DOCK5: variants seen among roughly 807,000 people sequenced by gnomAD.
DOCK5 encodes dedicator of cytokinesis 5, also known as dedicator of cytokinesis protein 5.
DOCK5 carries 142 observed loss-of-function variants against 251.8 expected under a neutral mutation model. That is an observed-to-expected ratio of 0.56 (90% CI 0.49 to 0.65). The LOEUF is 0.65. Among genes scored for constraint, DOCK5 ranks in the 30% least tolerant of loss-of-function variants. The probability of loss-of-function intolerance (pLI) is 0.00; values close to 1 mark genes in which losing one functional copy is unlikely to be tolerated. For missense variants in DOCK5, 2,111 were observed against 2,312.3 expected, an observed-to-expected ratio of 0.91 and a Z score of 1.79; for synonymous variants, 842 against 835.5, an observed-to-expected ratio of 1.01 and a Z score of -0.13.
chr8:25,403,458 A>C, intron 47 of DOCK5, 100 bp from the exon 48 acceptor site: 2 of 1,270,486 alleles, frequency 1.6e-6, no homozygotes, highest in Non-Finnish European at 2.2e-6. Context: ...TAACCAGTAC[A>C]GATGGGTACT....
At chr8:25,296,440 C>T (rs989396002) in intron 6 of DOCK5, 73 bp from the exon 7 acceptor site, 1 of 1,541,768 alleles carries the variant, frequency 6.5e-7, no homozygotes, top group South Asian at 1.2e-5. Context: ...CCTCTGGGCT[C>T]CTTGACAAGG....
chr8:25,353,569 A>G (rs1231643482), intron 27 of DOCK5, among the ~76,000 whole-genome samples: 2 of 147,712 alleles, frequency 1.4e-5, no homozygotes, highest in Admixed American at 6.8e-5. Context: ...AGGAAATACT[A>G]TTTTTTTTTT....
intron 1 of DOCK5, among the ~76,000 whole-genome samples, chr8:25,214,612 C>A (rs1387606260): frequency 6.6e-6 from 1 of 152,152 alleles, no homozygotes; most frequent in African/African-American, 2.4e-5. Flanking sequence ...CAGCTGCCAA[C>A]CCCTGACCCC....
intron 2 of DOCK5, among the ~76,000 whole-genome samples, chr8:25,255,348 A>G (rs1803392696): frequency 6.6e-6 from 1 of 152,224 alleles, no homozygotes; most frequent in Non-Finnish European, 1.5e-5. Context: ...TGTTACATCC[A>G]GACAATGGAG....
chr8:25,390,119 C>T (rs1018745318), intron 41 of DOCK5, 87 bp from the exon 42 acceptor site: 19 of 1,173,098 alleles, frequency 1.6e-5, no homozygotes, highest in South Asian at 7.5e-5. Flanking sequence ...GTGGCATTTC[C>T]GGCTGTGAAG....
At chr8:25,410,939 A>ATGTGTGTG (rs763758410) in intron 51 of DOCK5, among the ~76,000 whole-genome samples, 73 of 102,130 alleles carry the variant, frequency 7.1e-4, no homozygotes, top group African/African-American at 2.3e-3. Context: ...GAGAGAGAAA[A>ATGTGTGTG]TGTGTGTGTG....
intron 9 of DOCK5, among the ~76,000 whole-genome samples, chr8:25,300,860 C>T (rs1293019808): frequency 5.8e-5 from 4 of 68,796 alleles, no homozygotes; most frequent in Non-Finnish European, 9.7e-5. Flanking sequence ...CGTGAAAAAT[C>T]GGGGAAAAAA....
In DOCK5 at chr8:25,345,565, C is replaced by T. The variant is rs754837117; in HGVS notation, c.2708C>T (p.Ser903Leu). Reference sequence around the variant, plus strand: ...AACAAGCCTGACCACGAGGCAAGCTCGCAGCTTCTGAGCAACATCCTGGAG... The same window carrying T: ...AACAAGCCTGACCACGAGGCAAGCTTGCAGCTTCTGAGCAACATCCTGGAG... ...NSNKPDHEAS[S>L]QLLSNILEVL... The change falls in exon 26 of 52, where the codon TCG becomes TTG. Residue 903 changes from serine to leucine, a missense_variant. By Grantham distance (145) the Ser-to-Leu change is moderately radical (BLOSUM62 -2). Around this residue, in one of 3 missense-constraint regions of DOCK5, gnomAD observed 1,717 missense variants for 1,892.4 expected, o/e 0.91. Transcript: ENST00000276440. 10 of 1,613,798 alleles carry T rather than the reference C, an allele frequency of 6.2e-6. No individual in the cohort carries two copies. The East Asian group carries it at 1.3e-4, about 22-fold the overall frequency.
chr8:25,184,977 G>T, intron 1 of DOCK5, 26 bp downstream of exon 1: 1 of 1,354,536 alleles, frequency 7.4e-7, no homozygotes, highest in Non-Finnish European at 9.6e-7. Flanking sequence ...ACCTTGTCCC[G>T]GCCCGACCCA....
At chr8:25,384,272 G>C (rs929497931) in intron 40 of DOCK5, among the ~76,000 whole-genome samples, 1 of 152,286 alleles carries the variant, frequency 6.6e-6, no homozygotes, top group East Asian at 1.9e-4. Context: ...TTGCTGGCCA[G>C]GGGGAGGTTG....
chr8:25,288,913 G>A (rs1159542374), intron 5 of DOCK5, among the ~76,000 whole-genome samples: 2 of 152,174 alleles, frequency 1.3e-5, no homozygotes, highest in Non-Finnish European at 2.9e-5. Context: ...AATGCTAAAA[G>A]CAGTAAATGT....
intron 40 of DOCK5, among the ~76,000 whole-genome samples, chr8:25,387,171 C>T (rs1024030443): frequency 7.4e-5 from 11 of 148,150 alleles, no homozygotes; most frequent in African/African-American, 2.5e-4. Flanking sequence ...GTTCTTCCTA[C>T]TCCAAGACCA....
At position 25,243,732 on chromosome 8, in the gene DOCK5, A is replaced by C; in HGVS notation, c.102A>C (p.Thr34=). The part of the protein sequence containing the change: ...DVELSLQIGD[T]VHILEMYEGW... ...AGCTCTCCTTGCAGATCGGTGACAC[A>C]GTTCACATCCTGGAGATGTACGAGG... Residue 34 remains threonine, a synonymous_variant, in exon 2 of 52, where the codon ACA becomes ACC. Transcript: ENST00000276440. 6.2e-7 allele frequency: 1 copy of C among 1,613,786 alleles called. No homozygotes were observed. The highest frequency in any genetic ancestry group is 8.5e-7 in the Non-Finnish European group (1 of 1,179,750).
chr8:25,368,527 T>A, intron 32 of DOCK5, 44 bp from the exon 33 acceptor site: 1 of 1,556,070 alleles, frequency 6.4e-7, no homozygotes, highest in South Asian at 1.2e-5. Context: ...CACTTTACTT[T>A]CAGTGAAATA....
At chr8:25,227,763 T>C (rs532235368) in intron 1 of DOCK5, among the ~76,000 whole-genome samples, 2 of 152,384 alleles carry the variant, frequency 1.3e-5, no homozygotes, top group African/African-American at 4.8e-5. Context: ...AATAAAGATA[T>C]ATCCTCATCT....
At chr8:25,398,968 T>C (rs1165346527) in intron 45 of DOCK5, among the ~76,000 whole-genome samples, 1 of 152,216 alleles carries the variant, frequency 6.6e-6, no homozygotes, top group Non-Finnish European at 1.5e-5. Flanking sequence ...TTCACTTTTA[T>C]AAGTCTGTCC....
chr8:25,359,820 T>C (rs1326012536), intron 28 of DOCK5, among the ~76,000 whole-genome samples: 6 of 152,250 alleles, frequency 3.9e-5, no homozygotes, highest in Non-Finnish European at 8.8e-5. Context: ...TTGTAAGTTA[T>C]CTTCAGATGA....
intron 1 of DOCK5, among the ~76,000 whole-genome samples, chr8:25,219,763 G>T (rs1210325473): frequency 6.6e-6 from 1 of 150,910 alleles, no homozygotes; most frequent in Non-Finnish European, 1.5e-5. Context: ...CTTCAACTGT[G>T]ACCTGGTTTT....
Position 25,411,202 on chromosome 8 carries a change from C to T in DOCK5, c.5517C>T (p.Pro1839=). The T allele has an allele frequency of 1.3e-6, 2 of 1,585,332 alleles. No individual in the cohort carries two copies. The highest frequency in any genetic ancestry group is 1.7e-6 in the Non-Finnish European group (2 of 1,168,022). Residue 1839 remains proline (P), a synonymous_variant, in exon 52 of 52, where the codon CCC becomes CCT. Coordinates refer to ENST00000276440, the MANE Select transcript of DOCK5 (RefSeq NM_024940.8). The part of the protein sequence containing the change: ...GSQRNSTELA[P]PLPVRREAKA... ...TGTTTCTGCTTCTGCAGCTCGCTCCCCCACTGCCTGTCCGAAGAGAAGCCA... is the reference window on the plus strand; with the variant it reads ...TGTTTCTGCTTCTGCAGCTCGCTCCTCCACTGCCTGTCCGAAGAGAAGCCA...
Sources: allele counts gnomAD v4.1 joint callset (sites outside exome capture counted in the v4.1 genomes callset), GRCh38; gene constraint gnomAD v4.1.1; regional missense constraint gnomAD v4.1.1; transcripts MANE v1.5; gene names NCBI Gene and HGNC (gene_info 2026-07-23, HGNC 2026-07-21).